The following FOXP2 variants were observed in gnomAD, a reference collection of about 807,000 sequenced individuals.
FOXP2 encodes forkhead box P2.
A neutral mutation model predicts 115.8 loss-of-function variants in FOXP2; 12 were observed. The ratio of observed to expected loss-of-function variants is 0.10; its 90% CI spans 0.07 to 0.17. The LOEUF is 0.17. Among genes scored for constraint, FOXP2 ranks in the 10% least tolerant of loss-of-function variants. The pLI is 1.00. For synonymous variants in FOXP2, 328 were observed against 297.7 expected, an observed-to-expected ratio of 1.10 and a Z score of -1.05; for missense variants, 629 against 843.5, an observed-to-expected ratio of 0.75 and a Z score of 3.15.
At chr7:114,120,771 G>A (rs1791541994) in intron 1 of FOXP2, among the ~76,000 whole-genome samples, 2 of 151,832 alleles carry the variant, frequency 1.3e-5, no homozygotes, top group Non-Finnish European at 2.9e-5. Context: ...TATGAGAAAA[G>A]TGTTATTTTA....
intron 1 of FOXP2, among the ~76,000 whole-genome samples, chr7:114,151,787 G>A (rs1792534617): frequency 6.6e-6 from 1 of 152,068 alleles, no homozygotes; most frequent in African/African-American, 2.4e-5. Flanking sequence ...ACCATAGAAA[G>A]AGCATCCAAC....
chr7:114,362,436 G>A (rs1215997613), intron 2 of FOXP2, among the ~76,000 whole-genome samples: 1 of 152,010 alleles, frequency 6.6e-6, no homozygotes, highest in Non-Finnish European at 1.5e-5. Context: ...ACAAAAACAT[G>A]TTTCAGATGA....
At chr7:114,434,989 C>T (rs1020730195) in intron 2 of FOXP2, among the ~76,000 whole-genome samples, 1 of 152,122 alleles carries the variant, frequency 6.6e-6, no homozygotes, top group Non-Finnish European at 1.5e-5. Flanking sequence ...CCCAAAATGT[C>T]CCACCTTATT....
intron 2 of FOXP2, among the ~76,000 whole-genome samples, chr7:114,511,663 T>G (rs982840382): frequency 6.6e-6 from 1 of 152,182 alleles, no homozygotes; most frequent in Non-Finnish European, 1.5e-5. Flanking sequence ...TTTGTTCTTA[T>G]TAATGGTACT....
chr7:114,519,706 C>T (rs1798518192), intron 2 of FOXP2, among the ~76,000 whole-genome samples: 1 of 152,130 alleles, frequency 6.6e-6, no homozygotes, highest in Middle Eastern at 3.4e-3. Flanking sequence ...TCATAAGAAG[C>T]CTTTGAGGGG....
chr7:114,506,166 T>C (rs191306275), intron 2 of FOXP2, among the ~76,000 whole-genome samples: 50 of 151,828 alleles, frequency 3.3e-4, no homozygotes, highest in African/African-American at 1.1e-3. Context: ...ATGATTATTG[T>C]TTATTCATAC....
intron 2 of FOXP2, among the ~76,000 whole-genome samples, chr7:114,357,441 T>C (rs973920542): frequency 6.6e-6 from 1 of 152,206 alleles, no homozygotes; most frequent in African/African-American, 2.4e-5. Context: ...AATGATGTCA[T>C]TGAGGATCTG....
chr7:114,431,880 A>G (rs369647843), intron 2 of FOXP2, among the ~76,000 whole-genome samples: 4 of 151,940 alleles, frequency 2.6e-5, no homozygotes, highest in East Asian at 3.9e-4. Flanking sequence ...TTTAAATAAT[A>G]CAGTTCAATA....
At chr7:114,132,137 T>C (rs1791894770) in intron 1 of FOXP2, among the ~76,000 whole-genome samples, 1 of 152,202 alleles carries the variant, frequency 6.6e-6, no homozygotes. Flanking sequence ...CTAAAACATA[T>C]TAAAATCAAT....
intron 2 of FOXP2, among the ~76,000 whole-genome samples, chr7:114,460,841 T>C (rs1448821036): frequency 6.6e-6 from 1 of 152,210 alleles, no homozygotes; most frequent in African/African-American, 2.4e-5. Flanking sequence ...CTCTAGAATC[T>C]TCATGGGAGG....
intron 2 of FOXP2, among the ~76,000 whole-genome samples, chr7:114,529,100 C>CA (rs1562978621): frequency 6.6e-6 from 1 of 151,732 alleles, no homozygotes; most frequent in Non-Finnish European, 1.5e-5. Flanking sequence ...TAGTGAAGAA[C>CA]ATAGAGCTAG....
intron 1 of FOXP2, among the ~76,000 whole-genome samples, chr7:114,246,275 T>C (rs1358614033): frequency 6.6e-6 from 1 of 152,130 alleles, no homozygotes; most frequent in Non-Finnish European, 1.5e-5. Context: ...CAAATACTTA[T>C]CTAGCTAAAT....
chr7:114,637,557 T>G (rs1164670647), intron 6 of FOXP2, among the ~76,000 whole-genome samples: 1 of 152,162 alleles, frequency 6.6e-6, no homozygotes, highest in Non-Finnish European at 1.5e-5. Context: ...CTTTGAGCTT[T>G]CTGTGACTGC....
At chr7:114,297,721 C>A (rs1288226469) in intron 2 of FOXP2, among the ~76,000 whole-genome samples, 3 of 152,042 alleles carry the variant, frequency 2.0e-5, no homozygotes, top group African/African-American at 7.2e-5. Context: ...CAGTCAGTTT[C>A]GAGGTTCAGT....
At chr7:114,449,158 C>G in intron 2 of FOXP2, among the ~76,000 whole-genome samples, 1 of 151,806 alleles carries the variant, frequency 6.6e-6, no homozygotes, top group Middle Eastern at 3.4e-3. Flanking sequence ...TGTTTGCTAT[C>G]ATTATTATTT....
chr7:114,398,090 G>T (rs1792788471), intron 2 of FOXP2, among the ~76,000 whole-genome samples: 1 of 152,030 alleles, frequency 6.6e-6, no homozygotes, highest in South Asian at 2.1e-4. Flanking sequence ...AATGGATATA[G>T]ACCTTTAATT....
At chr7:114,116,144 A>AC (rs1359398210) in intron 1 of FOXP2, among the ~76,000 whole-genome samples, 1 of 152,162 alleles carries the variant, frequency 6.6e-6, no homozygotes, top group East Asian at 1.9e-4. Flanking sequence ...AACAAGTGAC[A>AC]CCGTTGGAAC....
chr7:114,329,707 T>G (rs1797651538), intron 2 of FOXP2, among the ~76,000 whole-genome samples: 2 of 151,378 alleles, frequency 1.3e-5, no homozygotes, highest in African/African-American at 4.9e-5. Flanking sequence ...GATGCAGTCT[T>G]GCTCTGTTGC....
At chr7:114,407,085 A>T (rs7795397) in intron 2 of FOXP2, among the ~76,000 whole-genome samples, 78,226 of 151,682 alleles carry the variant, frequency 0.52, 20,658 homozygotes, top group East Asian at 0.63. Context: ...GCTTGGGAAG[A>T]GGAAATAAAT....
Sources: allele counts gnomAD v4.1 joint callset (sites outside exome capture counted in the v4.1 genomes callset), GRCh38; gene constraint gnomAD v4.1.1; transcripts MANE v1.5; gene names NCBI Gene and HGNC (gene_info 2026-07-23, HGNC 2026-07-21).